The following HINFP variants were observed in gnomAD, a reference collection of about 807,000 sequenced individuals.
HINFP encodes the protein histone H4 transcription factor.
A neutral mutation model predicts 50.1 loss-of-function variants in HINFP; 20 were observed. The observed-to-expected ratio is 0.40, with a 90% confidence interval of 0.28 to 0.58. The LOEUF (loss-of-function observed/expected upper bound fraction) is 0.58. HINFP is among the 20% of genes least tolerant of loss of function. The pLI is 0.45. For synonymous variants in HINFP, 247 were observed against 243.7 expected, an observed-to-expected ratio of 1.01 and a Z score of -0.13; for missense variants, 505 against 664.1, an observed-to-expected ratio of 0.76 and a Z score of 2.63.
Position 119,133,307 on chromosome 11 carries a change from G to A in HINFP, c.1139+88G>A, listed in dbSNP as rs1044659853. On this transcript the variant is annotated intron_variant, in intron 9 of 9. Coordinates refer to ENST00000350777, the MANE Select transcript of HINFP (RefSeq NM_198971.3). ...TTAAAAACCTTAATTTGGGTCGGGCGCGGTGGCTCACGCCTGTAATCCCAG... is the reference window on the plus strand; with the variant it reads ...TTAAAAACCTTAATTTGGGTCGGGCACGGTGGCTCACGCCTGTAATCCCAG... The A allele has an allele frequency of 1.8e-5, 28 of 1,535,748 alleles. 1 individual carries two copies. The highest frequency in any genetic ancestry group is 1.7e-4 in the Middle Eastern group (1 of 5,804).
chr11:119,127,159 C>T (rs547345), intron 2 of HINFP, 34 bp downstream of exon 2: 764,397 of 1,522,358 alleles, frequency 0.5, 199,204 homozygotes, highest in Admixed American at 0.65. Context: ...GGGAGGAGCT[C>T]AAGGAAAGGT....
In HINFP at chr11:119,131,493, C is replaced by T. The variant is rs373942505; in HGVS notation, c.412-42C>T. 126 of 1,350,648 alleles carry T rather than the reference C, an allele frequency of 9.3e-5. No homozygotes were observed. The highest frequency in any genetic ancestry group is 2.0e-4 in the Admixed American group (12 of 59,642). The allele number at this position is 1,350,648 out of a possible 1,614,324, so 83.7% of individuals were successfully genotyped here. A position where few individuals can be genotyped will look rare whatever the true frequency, so the allele number is the denominator to read the frequency against. On this transcript the variant is annotated intron_variant, in intron 3 of 9. Coordinates refer to ENST00000350777, the MANE Select transcript of HINFP (RefSeq NM_198971.3). The surrounding 1 kb of genome is among the most constrained non-coding windows in gnomAD (Gnocchi z 4.2). ...TTCGGGCACATAGGGGTGAGTCCCT[C>T]TACCCACCCTCAGTCCTCACCCCAA... is the stretch of plus-strand genomic sequence containing the variant.
intron 1 of HINFP, chr11:119,124,696 G>A (rs1348319388): frequency 6.6e-6 from 1 of 152,168 alleles, no homozygotes; most frequent in Non-Finnish European, 1.5e-5. Flanking sequence ...AGAGCTACCT[G>A]GGCATGGTGG....
At chr11:119,122,147 C>T (rs952535408) in intron 1 of HINFP, 7 of 152,166 alleles carry the variant, frequency 4.6e-5, no homozygotes, top group African/African-American at 1.4e-4. Flanking sequence ...AGTATATGCC[C>T]TCTTAAGTGT....
chr11:119,131,164 C>T lies in HINFP; in HGVS notation c.411+210C>T. Reference sequence around the variant, plus strand: ...AGTGCAGTGGTACAATCATAGCTCACTGTAACCTTGAACTCCTGGGCTCAA... The same window carrying T: ...AGTGCAGTGGTACAATCATAGCTCATTGTAACCTTGAACTCCTGGGCTCAA... On this transcript the variant is annotated intron_variant, in intron 3 of 9. Coordinates refer to ENST00000350777, the MANE Select transcript of HINFP (RefSeq NM_198971.3). This position sits in a 1 kb window ranked among gnomAD's most constrained non-coding sequence, Gnocchi z 4.2. 1.5e-6 allele frequency: 1 copy of T among 682,982 alleles called. No homozygotes were observed. Among genetic ancestry groups the T allele is most frequent in the Non-Finnish European group, 2.7e-6 (1 of 374,730 alleles). The allele number at this position is 682,982 out of a possible 1,614,324, so 42.3% of individuals were successfully genotyped here.
intron 2 of HINFP, 93 bp downstream of exon 2, chr11:119,127,218 A>G (rs1488562771): frequency 2.9e-6 from 3 of 1,026,758 alleles, no homozygotes; most frequent in Non-Finnish European, 4.1e-6. Context: ...GCCTAAGAGA[A>G]TGGTGGTTTA....
At chr11:119,133,429 A>G in intron 9 of HINFP, 1 of 525,870 alleles carries the variant, frequency 1.9e-6, no homozygotes, top group Admixed American at 3.4e-5. Context: ...AAATACAAAA[A>G]GTAGCTGAGC....
intron 9 of HINFP, chr11:119,133,865 G>A: frequency 1.6e-6 from 1 of 615,134 alleles, no homozygotes; most frequent in Non-Finnish European, 2.8e-6. Flanking sequence ...TGTTTTTCTG[G>A]TTGGGTTTCT....
intron 9 of HINFP, chr11:119,133,700 G>T: frequency 3.6e-6 from 1 of 278,804 alleles, no homozygotes; most frequent in Non-Finnish European, 6.7e-6. Context: ...TCTGTTTTTT[G>T]AATCTTGTAA....
chr11:119,124,386 A>C (rs1478523347), intron 1 of HINFP: 1 of 152,132 alleles, frequency 6.6e-6, no homozygotes, highest in African/African-American at 2.4e-5. Context: ...CAGAGAGAGC[A>C]ACATGGTGGG....
rs577404339 is a variant in HINFP at position 119,132,436 on chromosome 11, C to T, written c.677-60C>T. The T allele has an allele frequency of 3.4e-5, 54 of 1,574,720 alleles. No homozygotes were observed. The African/African-American group carries it at 6.3e-4, about 18-fold the overall frequency. On this transcript the variant is annotated intron_variant, in intron 5 of 9. Coordinates refer to ENST00000350777, the MANE Select transcript of HINFP (RefSeq NM_198971.3). Reference sequence around the variant, plus strand: ...TTCTGCCTGGGATGGTTCCCCTCTCCTTTCTGTGCCTCTCCACTATCACCT... The same window carrying T: ...TTCTGCCTGGGATGGTTCCCCTCTCTTTTCTGTGCCTCTCCACTATCACCT...
intron 5 of HINFP, 124 bp from the exon 6 acceptor site, chr11:119,132,372 T>C: frequency 1.1e-6 from 1 of 879,974 alleles, no homozygotes; most frequent in South Asian, 1.6e-5. Flanking sequence ...TGTCCATTCA[T>C]AGCTCCCTAA....
In HINFP at chr11:119,127,234, C is replaced by T. The variant is rs939475753; in HGVS notation, c.181+109C>T. 4 of 896,884 alleles carry T rather than the reference C, an allele frequency of 4.5e-6. No individual in the cohort carries two copies. In the African/African-American group the frequency reaches 6.8e-5, roughly 15 times the overall value. The allele number at this position is 896,884 out of a possible 1,614,324, so 55.6% of individuals were successfully genotyped here. On this transcript the variant is annotated intron_variant, in intron 2 of 9. Transcript: ENST00000350777. Reference sequence around the variant, plus strand: ...CCTAAGAGAATGGTGGTTTATTTTCCTAATTGTGTTTTTGTTGTATATAAA... The same window carrying T: ...CCTAAGAGAATGGTGGTTTATTTTCTTAATTGTGTTTTTGTTGTATATAAA...
chr11:119,133,300 G>T, intron 9 of HINFP, 81 bp downstream of exon 9: 1 of 1,549,456 alleles, frequency 6.5e-7, no homozygotes. Flanking sequence ...CTTAATTTGG[G>T]TCGGGCGCGG....
chr11:119,135,114 A>T lies in HINFP; in HGVS notation c.*616A>T, dbSNP rs186521816. The T allele has an allele frequency of 6.5e-6, 1 of 152,828 alleles. No individual in the cohort carries two copies. Among genetic ancestry groups the T allele is most frequent in the Non-Finnish European group, 1.5e-5 (1 of 68,078 alleles). 9.5% of individuals were successfully genotyped at this position (152,828 alleles called of 1,614,324 possible). ...AGGTAATGAGGAGATACAGCCACCC[A>T]GAAGAGGAGCTGAATAGTTAGGCTT... On this transcript the variant is annotated 3_prime_UTR_variant, in exon 10 of 10. Coordinates refer to ENST00000350777, the MANE Select transcript of HINFP (RefSeq NM_198971.3).
intron 2 of HINFP, among the ~76,000 whole-genome samples, chr11:119,128,780 C>T (rs1409234034): frequency 6.6e-6 from 1 of 151,688 alleles, no homozygotes. Context: ...CTCACTGCAA[C>T]CTCCACCTCC....
intron 1 of HINFP, chr11:119,126,400 T>C (rs1308501580): frequency 6.7e-6 from 1 of 148,546 alleles, no homozygotes; most frequent in Non-Finnish European, 1.5e-5. Context: ...GTGGTGTTGG[T>C]AATTAAATGA....
rs1027911148 is a variant in HINFP, at chr11:119,131,749, C to T, written c.524-81C>T. ...GTCCTACAGGGGCAAGGTTGACTGC[C>T]GGCTGGAGAGACTCAGGGGTACCAG... On this transcript the variant is annotated intron_variant, in intron 4 of 9. Transcript: ENST00000350777. This position sits in a 1 kb window ranked among gnomAD's most constrained non-coding sequence, Gnocchi z 4.2. 1.0e-4 allele frequency: 162 copies of T among 1,602,100 alleles called. No homozygotes were observed. The highest frequency in any genetic ancestry group is 1.2e-4 in the Non-Finnish European group (143 of 1,170,734).
At chr11:119,132,209 C>G (rs925180368) in intron 5 of HINFP, 3 of 621,176 alleles carry the variant, frequency 4.8e-6, no homozygotes, top group Non-Finnish European at 5.6e-6. Flanking sequence ...CACAACAGCC[C>G]CATGAGGTAG....
Sources: gnomAD v4.1 joint callset for allele counts (sites outside exome capture counted in the v4.1 genomes callset) on GRCh38, gnomAD v4.1.1 for gene constraint, Gnocchi (gnomAD v3.1) non-coding constraint, MANE v1.5 for transcripts, NCBI Gene and HGNC (gene_info 2026-07-23, HGNC 2026-07-21) for gene names.